Variants in TFIP11 observed in about 807,000 individuals in gnomAD.
The protein encoded by TFIP11 is tuftelin-interacting protein 11.
Under a neutral mutation model 96.8 loss-of-function variants are expected in TFIP11, and 86 were observed. The ratio of observed to expected loss-of-function variants is 0.89; its 90% CI spans 0.75 to 1.06. The LOEUF (loss-of-function observed/expected upper bound fraction) is 1.06, where lower values mean the gene tolerates loss of function less well. Ranked by LOEUF, TFIP11 falls within the 50% of genes least tolerant of loss-of-function variation. The pLI, the probability that TFIP11 is intolerant of heterozygous loss-of-function variation, is 0.00. For missense variants in TFIP11, 881 were observed against 1,076.7 expected (o/e 0.82, Z 2.54); for synonymous variants, 405 against 395.2 (o/e 1.02, Z -0.29).
At chr22:26,499,057 A>G (rs1232085942) in intron 9 of TFIP11, 47 bp downstream of exon 9, 1 of 1,606,002 alleles carries the variant, frequency 6.2e-7, no homozygotes, top group Admixed American at 1.7e-5. Flanking sequence ...AAGCAAGGGT[A>G]AGCCCAACCG....
At chr22:26,493,998 G>A (rs1211179762) in intron 14 of TFIP11, 141 bp downstream of exon 14, 10 of 882,728 alleles carry the variant, frequency 1.1e-5, no homozygotes, top group South Asian at 1.8e-5. Context: ...TCAGCAGGGT[G>A]AGAGTCTGTT....
intron 11 of TFIP11, 45 bp from the exon 12 acceptor site, chr22:26,496,361 G>C (rs1182824001): frequency 1.3e-6 from 2 of 1,554,002 alleles, no homozygotes; most frequent in South Asian, 2.5e-5. Context: ...CTGTGGGGCA[G>C]TCACATAACA....
chr22:26,496,497 AT>A (rs1361964848), intron 11 of TFIP11, among the ~76,000 whole-genome samples, 181 bp from the exon 12 acceptor site: 4 of 152,194 alleles, frequency 2.6e-5, no homozygotes, highest in African/African-American at 9.7e-5. Flanking sequence ...AAACAGCACA[AT>A]TCTAATTTTA....
rs1921715156 is a variant in TFIP11 at position 26,494,839 on chromosome 22, C to G, written c.1950G>C (p.Leu650=). 3 of 1,614,204 alleles carry G rather than the reference C, an allele frequency of 1.9e-6. No homozygotes were observed. Among genetic ancestry groups the G allele is most frequent in the Non-Finnish European group, 2.5e-6 (3 of 1,180,040 alleles). The change falls in exon 13 of 15, where the codon CTG becomes CTC. Residue 650 remains leucine (L), a synonymous_variant. Transcript: ENST00000407690. Reference sequence around the variant, plus strand: ...AGAAGTGCTTTTCAAGAAGTCCCACCAGGCTAGAGACAGAGATCATCCCTT... The same window carrying G: ...AGAAGTGCTTTTCAAGAAGTCCCACGAGGCTAGAGACAGAGATCATCCCTT... ...DWEGMISVSS[L]VGLLEKHFFP... is the part of the protein sequence containing the mutation.
At chr22:26,504,323 T>C (rs1222082898) in intron 6 of TFIP11, among the ~76,000 whole-genome samples, 2 of 152,226 alleles carry the variant, frequency 1.3e-5, no homozygotes, top group East Asian at 1.9e-4. Context: ...AGTTTACGAA[T>C]AGGACCACAA....
Position 26,499,254 on chromosome 22 carries a change from G to A in TFIP11, c.1179C>T (p.Asn393=), listed in dbSNP as rs781517278. The change falls in exon 9 of 15, where the codon AAC becomes AAT. Residue 393 remains asparagine, a synonymous_variant. Transcript: ENST00000407690. ...CERRMQPDCS[N]PLTLDECARI... Reference sequence around the variant, plus strand: ...GGGCACACTCGTCCAGGGTGAGGGGGTTGCTGCAGTCGGGCTGCATCCGCC... The same window carrying A: ...GGGCACACTCGTCCAGGGTGAGGGGATTGCTGCAGTCGGGCTGCATCCGCC... 1 of 1,613,972 alleles carries A rather than the reference G, an allele frequency of 6.2e-7. No homozygotes were observed. The highest frequency in any genetic ancestry group is 8.5e-7 in the Non-Finnish European group (1 of 1,179,942).
chr22:26,511,139 T>G (rs1045092889), intron 2 of TFIP11: 7 of 152,360 alleles, frequency 4.6e-5, no homozygotes, highest in African/African-American at 1.7e-4. Context: ...GGTCCCACAA[T>G]AGGCTGTCTG....
At position 26,506,808 on chromosome 22, in the gene TFIP11, A is replaced by G; in HGVS notation, c.330T>C (p.Phe110=). 1 of 1,614,180 alleles carries G rather than the reference A, an allele frequency of 6.2e-7. No homozygotes were observed. Among genetic ancestry groups the G allele is most frequent in the Non-Finnish European group, 8.5e-7 (1 of 1,180,042 alleles). ...GCTTCCTTGGTCCAAAATCCTTAGG[A>G]AAGTCGTCCTGCTTAACAGGTTTCT... ...DEEKPVKQDD[F]PKDFGPRKLK... The change falls in exon 5 of 15, where the codon TTT becomes TTC. Residue 110 remains phenylalanine (F), a synonymous_variant. Transcript: ENST00000407690.
intron 14 of TFIP11, chr22:26,493,436 C>G (rs1171284443): frequency 6.6e-6 from 1 of 152,294 alleles, no homozygotes; most frequent in African/African-American, 2.4e-5. Context: ...CTGGGCTTAT[C>G]TGTAAAACAC....
chr22:26,506,601 G>T, intron 5 of TFIP11, 142 bp from the exon 6 acceptor site: 1 of 1,288,072 alleles, frequency 7.8e-7, no homozygotes, highest in South Asian at 1.5e-5. Flanking sequence ...GTGTGATAAC[G>T]TGTCAGGAAG....
intron 10 of TFIP11, among the ~76,000 whole-genome samples, chr22:26,497,498 G>C (rs1323510167): frequency 6.6e-6 from 1 of 152,202 alleles, no homozygotes; most frequent in Non-Finnish European, 1.5e-5. Context: ...AACCACTATG[G>C]AAAACAGTGT....
intron 7 of TFIP11, among the ~76,000 whole-genome samples, chr22:26,503,004 T>C (rs1922978115): frequency 6.6e-6 from 1 of 152,168 alleles, no homozygotes; most frequent in African/African-American, 2.4e-5. Context: ...GAGTAACATG[T>C]CTCTTTGCAG....
At position 26,501,868 on chromosome 22, in the gene TFIP11, A is replaced by T. The variant is rs145661535; in HGVS notation, c.801+32T>A. The T allele has an allele frequency of 2.5e-4, 390 of 1,573,548 alleles. 2 individuals carry two copies. The African/African-American group carries it at 4.4e-3, about 18-fold the overall frequency. Reference sequence around the variant, plus strand: ...TTCAGTGATTATTTCTGGGGTGTGGATCCTGTACCAGGTGTCCAAGGGCCC... The same window carrying T: ...TTCAGTGATTATTTCTGGGGTGTGGTTCCTGTACCAGGTGTCCAAGGGCCC... On this transcript the variant is annotated intron_variant, in intron 8 of 14. Transcript: ENST00000407690.
chr22:26,496,744 T>C lies in TFIP11; in HGVS notation c.1582A>G (p.Ile528Val). 1 of 1,614,060 alleles carries C rather than the reference T, an allele frequency of 6.2e-7. No individual in the cohort carries two copies. Among genetic ancestry groups the C allele is most frequent in the Non-Finnish European group, 8.5e-7 (1 of 1,179,978 alleles). Residue 528 changes from isoleucine to valine, a missense_variant, in exon 11 of 15, where the codon ATC (isoleucine) becomes GTC (valine). Coordinates refer to ENST00000407690, the MANE Select transcript of TFIP11 (RefSeq NM_012143.4). The part of the protein sequence containing the change: ...WILDNILDQL[I>V]FPKLQKEVEN... ...ACCTCCTTTTGCAGCTTGGGGAAGA[T>C]GAGTTGGTCCAGTATGTTATCTAAG...
intron 7 of TFIP11, among the ~76,000 whole-genome samples, chr22:26,502,657 A>C (rs1922934847): frequency 6.6e-6 from 1 of 152,200 alleles, no homozygotes; most frequent in African/African-American, 2.4e-5. Context: ...TGGGGTTGTC[A>C]CTATGTTTTT....
chr22:26,510,470 A>T (rs1923918828), intron 3 of TFIP11, 147 bp downstream of exon 3: 1 of 589,870 alleles, frequency 1.7e-6, no homozygotes, highest in Non-Finnish European at 3.0e-6. Context: ...GTACTAAAAC[A>T]GGTGAACAAA....
chr22:26,495,677 CAT>C (rs762338752), intron 12 of TFIP11, among the ~76,000 whole-genome samples: 9 of 58,970 alleles, frequency 1.5e-4, no homozygotes, highest in East Asian at 4.5e-4. Context: ...TATATATATA[CAT>C]ATATGTGTGT....
At position 26,507,467 on chromosome 22, in the gene TFIP11, A is replaced by T. The variant is rs140636770; in HGVS notation, c.210-539T>A. Among the ~76,000 whole-genome samples, 173 of 152,164 alleles carry T rather than the reference A, an allele frequency of 1.1e-3. 1 individual carries two copies. The highest frequency in any genetic ancestry group is 5.8e-3 in the East Asian group (30 of 5,178). On this transcript the variant is annotated intron_variant, in intron 4 of 14. Transcript: ENST00000407690. ...GGTGAGACTTCGTCTCTATAAAAAAAAAATAAATAAAAATTAGCCAGGCAT... is the reference window on the plus strand; with the variant it reads ...GGTGAGACTTCGTCTCTATAAAAAATAAATAAATAAAAATTAGCCAGGCAT...
In TFIP11 at chr22:26,494,836, C is replaced by T. The variant is rs1921714696; in HGVS notation, c.1953G>A (p.Val651=). 3.1e-6 allele frequency: 5 copies of T among 1,614,198 alleles called. No homozygotes were observed. The highest frequency in any genetic ancestry group is 4.2e-6 in the Non-Finnish European group (5 of 1,180,040). The change falls in exon 13 of 15, where the codon GTG becomes GTA. Residue 651 remains valine (V), a synonymous_variant. Coordinates refer to ENST00000407690, the MANE Select transcript of TFIP11 (RefSeq NM_012143.4). ...WEGMISVSSL[V]GLLEKHFFPK... The stretch of plus-strand genomic sequence containing the variant: ...GGAAGAAGTGCTTTTCAAGAAGTCC[C>T]ACCAGGCTAGAGACAGAGATCATCC...
Sources: gnomAD v4.1 joint callset for allele counts (sites outside exome capture counted in the v4.1 genomes callset) on GRCh38, gnomAD v4.1.1 for gene constraint, MANE v1.5 for transcripts, NCBI Gene and HGNC (gene_info 2026-07-23, HGNC 2026-07-21) for gene names.